The following MRTFA variants were observed in gnomAD, a reference collection of about 807,000 sequenced individuals.
MRTFA encodes the protein myocardin-related transcription factor A.
A neutral mutation model predicts 83.5 loss-of-function variants in MRTFA; 20 were observed. That is an observed-to-expected ratio of 0.24 (90% CI 0.17 to 0.35). MRTFA has a LOEUF of 0.35. MRTFA is among the 10% of genes least tolerant of loss of function. The probability of loss-of-function intolerance (pLI) is 1.00; values close to 1 mark genes in which losing one functional copy is unlikely to be tolerated. For missense variants in MRTFA, 1,200 were observed against 1,224.7 expected (o/e 0.98, Z 0.30); for synonymous variants, 659 against 541.2 (o/e 1.22, Z -3.02).
At chr22:40,519,667 T>TA (rs1270837161) in intron 3 of MRTFA, 15 of 1,192,854 alleles carry the variant, frequency 1.3e-5, no homozygotes, top group South Asian at 1.5e-5. Flanking sequence ...TCCATAAACT[T>TA]AAAAAAAATG....
chr22:40,557,172 T>C (rs953935364), intron 2 of MRTFA, among the ~76,000 whole-genome samples: 1 of 152,056 alleles, frequency 6.6e-6, no homozygotes, highest in Admixed American at 6.5e-5. Flanking sequence ...GAAAGATACA[T>C]AAAGATAATC....
chr22:40,557,731 G>GT (rs1211902854), intron 2 of MRTFA, among the ~76,000 whole-genome samples: 1 of 152,072 alleles, frequency 6.6e-6, no homozygotes, highest in African/African-American at 2.4e-5. Context: ...TGTTACATAT[G>GT]TTTTTTATCA....
In MRTFA at chr22:40,441,829, T is replaced by TAC. The variant is rs200777735; in HGVS notation, c.308-6276_308-6275insGT. 2.4e-5 allele frequency among the ~76,000 whole-genome samples: 3 copies of TAC among 123,000 alleles called. No individual in the cohort carries two copies. In the East Asian group the frequency reaches 1.0e-3, roughly 41 times the overall value. The allele number at this position is 123,000 out of a possible 152,430, so 80.7% of individuals were successfully genotyped here. A position where few individuals can be genotyped will look rare whatever the true frequency, so the allele number is the denominator to read the frequency against. On this transcript the variant is annotated intron_variant, in intron 4 of 14. Coordinates refer to ENST00000355630, the MANE Select transcript of MRTFA (RefSeq NM_020831.6). ...ACATGTATGTATGTGTATATATATATATACACACACACACACACACACACA... is the reference window on the plus strand; with the variant it reads ...ACATGTATGTATGTGTATATATATATACATACACACACACACACACACACACA...
chr22:40,420,315 C>T (rs929573563), intron 11 of MRTFA, 90 bp downstream of exon 11: 1 of 1,457,472 alleles, frequency 6.9e-7, no homozygotes. Flanking sequence ...CCTAGGCTGG[C>T]TGCCTTCCCT....
intron 4 of MRTFA, among the ~76,000 whole-genome samples, chr22:40,460,028 C>T (rs1052507266): frequency 2.6e-5 from 4 of 151,454 alleles, no homozygotes; most frequent in Admixed American, 6.6e-5. Flanking sequence ...CTGCAGCCTC[C>T]GCCTCCCAGG....
chr22:40,495,583 A>G lies in MRTFA; in HGVS notation c.242-32297T>C, dbSNP rs1414124163. 4.7e-5 allele frequency among the ~76,000 whole-genome samples: 7 copies of G among 149,524 alleles called. 1 individual carries two copies. The highest frequency in any genetic ancestry group is 4.7e-4 in the Admixed American group (7 of 14,980). On this transcript the variant is annotated intron_variant, in intron 3 of 14. Transcript: ENST00000355630. ...AGACCAGCCTGGCCAACATGGTGTAACACTATCTCTACTAAAAATATAAAA... is the reference window on the plus strand; with the variant it reads ...AGACCAGCCTGGCCAACATGGTGTAGCACTATCTCTACTAAAAATATAAAA...
intron 4 of MRTFA, among the ~76,000 whole-genome samples, chr22:40,440,260 C>A (rs1441480165): frequency 6.6e-6 from 1 of 152,058 alleles, no homozygotes; most frequent in Non-Finnish European, 1.5e-5. Context: ...CTCTTCATAG[C>A]CCATGAGGCA....
intron 1 of MRTFA, among the ~76,000 whole-genome samples, chr22:40,595,523 G>C (rs544110618): frequency 7.2e-5 from 11 of 152,230 alleles, no homozygotes; most frequent in African/African-American, 2.6e-4. Context: ...TTTACTTCTT[G>C]AGTCCTCACA....
chr22:40,631,130 T>C (rs2056637288), intron 1 of MRTFA, among the ~76,000 whole-genome samples: 1 of 152,214 alleles, frequency 6.6e-6, no homozygotes, highest in African/African-American at 2.4e-5. Context: ...AAGCCACTGG[T>C]TCACTCTACT....
At chr22:40,614,549 G>A (rs2056427574) in intron 1 of MRTFA, among the ~76,000 whole-genome samples, 1 of 152,094 alleles carries the variant, frequency 6.6e-6, no homozygotes, top group South Asian at 2.1e-4. Flanking sequence ...GTGCAATGGC[G>A]CGATCTCGGC....
chr22:40,474,755 T>G (rs1468094624), intron 3 of MRTFA, among the ~76,000 whole-genome samples: 1 of 152,232 alleles, frequency 6.6e-6, no homozygotes, highest in Non-Finnish European at 1.5e-5. Context: ...CTAATTTGTG[T>G]GAAGAGTATT....
chr22:40,454,965 T>A (rs1263302426), intron 4 of MRTFA, among the ~76,000 whole-genome samples: 5 of 152,188 alleles, frequency 3.3e-5, no homozygotes, highest in Non-Finnish European at 7.3e-5. Flanking sequence ...CATGCCTGGC[T>A]AATTTTTAAA....
intron 1 of MRTFA, among the ~76,000 whole-genome samples, chr22:40,607,589 T>C (rs1328984759): frequency 6.6e-6 from 1 of 151,932 alleles, no homozygotes; most frequent in Non-Finnish European, 1.5e-5. Flanking sequence ...TTTTATTTCC[T>C]CCACGAATCA....
chr22:40,465,779 G>T (rs1229760398), intron 3 of MRTFA, among the ~76,000 whole-genome samples: 2 of 151,690 alleles, frequency 1.3e-5, no homozygotes, highest in African/African-American at 4.8e-5. Flanking sequence ...TGCCCAGGTT[G>T]GTCTTGAACT....
intron 4 of MRTFA, among the ~76,000 whole-genome samples, chr22:40,448,565 G>A (rs1379609637): frequency 6.6e-6 from 1 of 152,168 alleles, no homozygotes; most frequent in Non-Finnish European, 1.5e-5. Flanking sequence ...TTCACATTTG[G>A]CCATCTTTTC....
chr22:40,635,275 G>A lies in MRTFA; in HGVS notation c.-84+1203C>T, dbSNP rs755568872. Reference sequence around the variant, plus strand: ...GACTGCTTTTCAACAGTAAAACTGCGTAAGTGACATTTGGAGTTTTGGGGG... The same window carrying A: ...GACTGCTTTTCAACAGTAAAACTGCATAAGTGACATTTGGAGTTTTGGGGG... On this transcript the variant is annotated intron_variant, in intron 1 of 14. Transcript: ENST00000355630. Among the ~76,000 whole-genome samples, 58 of 152,112 alleles carry A rather than the reference G, an allele frequency of 3.8e-4. 1 individual carries two copies. Among genetic ancestry groups the A allele is most frequent in the Admixed American group, 1.7e-3 (26 of 15,264 alleles).
intron 1 of MRTFA, among the ~76,000 whole-genome samples, chr22:40,635,858 G>C (rs987645489): frequency 6.6e-6 from 1 of 152,142 alleles, no homozygotes; most frequent in Non-Finnish European, 1.5e-5. Flanking sequence ...GGCAGGTTTG[G>C]GAGTCGACTC....
intron 2 of MRTFA, among the ~76,000 whole-genome samples, chr22:40,572,101 G>A (rs529158355): frequency 7.9e-5 from 12 of 151,886 alleles, no homozygotes; most frequent in East Asian, 5.8e-4. Context: ...GTGAAGATGC[G>A]GACAAACTGG....
intron 2 of MRTFA, among the ~76,000 whole-genome samples, chr22:40,581,134 A>G (rs1394438915): frequency 1.3e-5 from 2 of 151,932 alleles, no homozygotes. Flanking sequence ...TTTTTTCAAC[A>G]TAATGCTTCC....
Sources: allele counts gnomAD v4.1 joint callset (sites outside exome capture counted in the v4.1 genomes callset), GRCh38; gene constraint gnomAD v4.1.1; transcripts MANE v1.5; gene names NCBI Gene and HGNC (gene_info 2026-07-23, HGNC 2026-07-21).